Variants in KDM5C observed in about 807,000 individuals in gnomAD.
KDM5C encodes the protein lysine demethylase 5C.
A neutral mutation model predicts 110.6 loss-of-function variants in KDM5C; 16 were observed. The observed-to-expected ratio is 0.14, with a 90% CI of 0.10 to 0.22. The LOEUF is 0.22. Among genes scored for constraint, KDM5C ranks in the 10% least tolerant of loss-of-function variants. The pLI is 1.00. For missense variants in KDM5C, 681 were observed against 1,300.9 expected (o/e 0.52, Z 7.33); for synonymous variants, 511 against 520.4 (o/e 0.98, Z 0.24).
intron 12 of KDM5C, among the ~76,000 whole-genome samples, chrX:53,210,076 CAGA>C (rs1465311910): frequency 8.9e-6 from 1 of 112,267 alleles, no homozygotes; most frequent in Non-Finnish European, 1.9e-5. Flanking sequence ...TTTTTACTAA[CAGA>C]AGGTGAATGG....
rs868979258 is a variant in KDM5C, at chrX:53,192,171, T to C, written c.*796A>G. The C allele has an allele frequency of 2.9e-5, 5 of 174,479 alleles. No homozygotes were observed. Among genetic ancestry groups the C allele is most frequent in the Middle Eastern group, 1.8e-3 (1 of 553 alleles). 14.4% of individuals were successfully genotyped at this position (174,479 alleles called of 1,213,427 possible). A position where few individuals can be genotyped will look rare whatever the true frequency, so the allele number is the denominator to read the frequency against. On this transcript the variant is annotated 3_prime_UTR_variant, in exon 26 of 26. Transcript: ENST00000375401. ...TTCAGAAACATGTTTCCAAAAAATGTTTCTAAGGGTTTTATTTCTAACAAG... is the reference window on the plus strand; with the variant it reads ...TTCAGAAACATGTTTCCAAAAAATGCTTCTAAGGGTTTTATTTCTAACAAG...
chrX:53,209,213 C>G (rs2073482577), intron 12 of KDM5C, among the ~76,000 whole-genome samples: 1 of 110,643 alleles, frequency 9.0e-6, no homozygotes, highest in African/African-American at 3.3e-5. Context: ...AAGTCAGACC[C>G]CATGTCTACT....
chrX:53,185,482 T>A (rs781837942), intron 25 of KDM5C, among the ~76,000 whole-genome samples: 2 of 111,948 alleles, frequency 1.8e-5, no homozygotes, highest in South Asian at 3.7e-4. Context: ...TCTCAGAAAA[T>A]TTTTTTCTGT....
intron 22 of KDM5C, 89 bp downstream of exon 22, chrX:53,194,842 C>A (rs1934710575): frequency 4.2e-6 from 5 of 1,192,995 alleles, no homozygotes; most frequent in Non-Finnish European, 5.7e-6. Flanking sequence ...AACTGAGGCT[C>A]AGGGGACAAG....
At chrX:53,186,697 C>A (rs1309528840), downstream of KDM5C, among the ~76,000 whole-genome samples, 1 of 112,195 alleles carries the variant, frequency 8.9e-6, no homozygotes, top group Non-Finnish European at 1.9e-5. Context: ...GCTGGCCCTG[C>A]TGAAGTAGCT....
At chrX:53,198,331 C>A (rs112194491) in intron 17 of KDM5C, among the ~76,000 whole-genome samples, 159 bp downstream of exon 17, 1 of 112,231 alleles carries the variant, frequency 8.9e-6, no homozygotes, top group African/African-American at 3.2e-5. Context: ...CCTTGTCCCC[C>A]CCAACACCTT....
At chrX:53,202,662 C>T (rs184550134) in intron 12 of KDM5C, 20 of 112,297 alleles carry the variant, frequency 1.8e-4, no homozygotes, top group African/African-American at 3.6e-4. Context: ...CTAGATCCCA[C>T]GTCTTCCTCT....
intron 14 of KDM5C, among the ~76,000 whole-genome samples, chrX:53,200,615 G>A (rs1478445588): frequency 9.0e-6 from 1 of 111,599 alleles, no homozygotes; most frequent in African/African-American, 3.3e-5. Flanking sequence ...CAACACTACT[G>A]TAGCTATAGT....
chrX:53,191,874 G>A, downstream of KDM5C: 1 of 176,234 alleles, frequency 5.7e-6, no homozygotes, highest in Non-Finnish European at 1.1e-5. Context: ...GGAGCTTGAG[G>A]AGGATAAACT....
At chrX:53,184,059 A>G (rs1275747611) in intron 25 of KDM5C, among the ~76,000 whole-genome samples, 1 of 111,679 alleles carries the variant, frequency 9.0e-6, no homozygotes, top group Non-Finnish European at 1.9e-5. Context: ...TCAATATACA[A>G]GTCTTTCTCC....
At chrX:53,186,478 A>G (rs1473702629), downstream of KDM5C, among the ~76,000 whole-genome samples, 1 of 112,203 alleles carries the variant, frequency 8.9e-6, no homozygotes, top group Non-Finnish European at 1.9e-5. Flanking sequence ...TATGTGCAGT[A>G]GCACTCCACC....
intron 3 of KDM5C, 110 bp downstream of exon 3, chrX:53,218,166 G>GCC: frequency 1.7e-5 from 16 of 969,314 alleles, no homozygotes; most frequent in Non-Finnish European, 2.3e-5. Flanking sequence ...ACCAAGCTGT[G>GCC]CCCCTTCCAT....
chrX:53,193,985 C>T (rs1187014472), intron 23 of KDM5C, 134 bp from the exon 24 acceptor site: 11 of 946,391 alleles, frequency 1.2e-5, no homozygotes, highest in Middle Eastern at 2.8e-4. Flanking sequence ...CAGCAGGGAG[C>T]AGAGTCTAGG....
chrX:53,184,510 G>A (rs113993116), intron 25 of KDM5C, among the ~76,000 whole-genome samples: 2,165 of 111,374 alleles, frequency 0.019, 43 homozygotes, highest in African/African-American at 0.062. Flanking sequence ...CCAAAGTGCT[G>A]GGATCATAAG....
chrX:53,208,805 C>CTTTTTT (rs782216325), intron 12 of KDM5C, among the ~76,000 whole-genome samples: 4 of 22,173 alleles, frequency 1.8e-4, no homozygotes, highest in African/African-American at 4.0e-4. Context: ...ACACCCGGCT[C>CTTTTTT]TTTTTTTTTT....
rs2073529422 is a variant in KDM5C at position 53,210,595 on chromosome X, G to A, written c.1584-19C>T. ...CTCACCCCTGCACAAGTGGAAAAGGGACACACACAGTAAATCACACCTTGG... is the reference window on the plus strand; with the variant it reads ...CTCACCCCTGCACAAGTGGAAAAGGAACACACACAGTAAATCACACCTTGG... On this transcript the variant is annotated intron_variant, in intron 11 of 25. Transcript: ENST00000375401. The A allele has an allele frequency of 8.3e-7, 1 of 1,210,247 alleles. No homozygotes were observed. Among genetic ancestry groups the A allele is most frequent in the Admixed American group, 2.2e-5 (1 of 45,808 alleles).
chrX:53,221,687 C>T (rs1556854773), intron 1 of KDM5C: 1 of 939,466 alleles, frequency 1.1e-6, no homozygotes, highest in East Asian at 7.6e-5. Flanking sequence ...GTATCACTCA[C>T]CCAGTCTGGA....
intron 2 of KDM5C, among the ~76,000 whole-genome samples, 154 bp downstream of exon 2, chrX:53,220,685 C>A (rs781899589): frequency 1.8e-5 from 2 of 112,079 alleles, no homozygotes; most frequent in African/African-American, 6.5e-5. Flanking sequence ...GCTTCTTCCA[C>A]GCCCTGGGCA....
chrX:53,192,175 T>C lies in KDM5C; in HGVS notation c.*792A>G, dbSNP rs961979745. ...GAAACATGTTTCCAAAAAATGTTTC[T>C]AAGGGTTTTATTTCTAACAAGAGGA... On this transcript the variant is annotated 3_prime_UTR_variant, in exon 26 of 26. Coordinates refer to ENST00000375401, the MANE Select transcript of KDM5C (RefSeq NM_004187.5). 3 of 174,603 alleles carry C rather than the reference T, an allele frequency of 1.7e-5. No homozygotes were observed. Among genetic ancestry groups the C allele is most frequent in the Non-Finnish European group, 3.3e-5 (3 of 91,371 alleles). The allele number at this position is 174,603 out of a possible 1,213,427, so 14.4% of individuals were successfully genotyped here.
Sources: gnomAD v4.1 joint callset for allele counts (sites outside exome capture counted in the v4.1 genomes callset) on GRCh38, gnomAD v4.1.1 for gene constraint, MANE v1.5 for transcripts, NCBI Gene and HGNC (gene_info 2026-07-23, HGNC 2026-07-21) for gene names.